Variants in WAPL observed in about 807,000 individuals in gnomAD.
WAPL encodes the protein wings apart-like protein homolog.
Under a neutral mutation model 121.0 loss-of-function variants are expected in WAPL, and 5 were observed. The ratio of observed to expected loss-of-function variants is 0.04; its 90% confidence interval spans 0.02 to 0.09. The LOEUF (loss-of-function observed/expected upper bound fraction) is 0.09, where lower values mean the gene tolerates loss of function less well. WAPL is among the 10% of genes least tolerant of loss of function. WAPL has a pLI of 1.00. For synonymous variants in WAPL, 480 were observed against 481.5 expected, an observed-to-expected ratio of 1.00 and a Z score of 0.04; for missense variants, 999 against 1,410.8, an observed-to-expected ratio of 0.71 and a Z score of 4.68.
At chr10:86,438,097 C>G (rs192979323) in intron 17 of WAPL, 82 bp from the exon 18 acceptor site, 1 of 1,024,846 alleles carries the variant, frequency 9.8e-7, no homozygotes, top group East Asian at 2.4e-5. Flanking sequence ...GGTTTTGACA[C>G]ACATCTTGGT....
intron 12 of WAPL, among the ~76,000 whole-genome samples, chr10:86,458,580 A>G (rs1412358777): frequency 6.6e-6 from 1 of 152,208 alleles, no homozygotes; most frequent in Non-Finnish European, 1.5e-5. Context: ...ATGATACAAA[A>G]GATACTTTAA....
chr10:86,445,517 C>T (rs888508033), intron 16 of WAPL, among the ~76,000 whole-genome samples: 1 of 147,626 alleles, frequency 6.8e-6, no homozygotes, highest in Non-Finnish European at 1.5e-5. Context: ...GAAGATATTA[C>T]CTCTAGTATC....
intron 4 of WAPL, among the ~76,000 whole-genome samples, chr10:86,488,817 C>T (rs1355792713): frequency 6.6e-6 from 1 of 152,178 alleles, no homozygotes; most frequent in Non-Finnish European, 1.5e-5. Context: ...ATACTAATAA[C>T]TGTAGAACAA....
intron 4 of WAPL, among the ~76,000 whole-genome samples, chr10:86,496,054 C>T (rs375563688): frequency 6.6e-6 from 1 of 152,166 alleles, no homozygotes; most frequent in East Asian, 1.9e-4. Flanking sequence ...GCGGAGGTTG[C>T]AGTGAGCCAA....
chr10:86,491,799 T>C (rs963685532), intron 4 of WAPL, among the ~76,000 whole-genome samples: 1 of 151,896 alleles, frequency 6.6e-6, no homozygotes. Flanking sequence ...TTATTACATA[T>C]ATTTAACATG....
At chr10:86,488,003 T>C (rs1447742934) in intron 4 of WAPL, among the ~76,000 whole-genome samples, 4 of 152,024 alleles carry the variant, frequency 2.6e-5, no homozygotes, top group African/African-American at 9.7e-5. Context: ...AGAACTAAGG[T>C]GAGGAAGATG....
In WAPL at chr10:86,472,409, C is replaced by G. The variant is rs1051699016; in HGVS notation, c.1894-65G>C. 1.3e-6 allele frequency: 2 copies of G among 1,561,744 alleles called. No individual in the cohort carries two copies. The highest frequency in any genetic ancestry group is 4.5e-5 in the Admixed American group (2 of 44,376). ...ACTAGCATATTTAAATCTATGGGCT[C>G]ACTGTACTTTACATAAGTGCATAAA... is the stretch of plus-strand genomic sequence containing the variant. On this transcript the variant is annotated intron_variant, in intron 6 of 18. Coordinates refer to ENST00000298767, the MANE Select transcript of WAPL (RefSeq NM_015045.5). The surrounding 1 kb of genome is among the most constrained non-coding windows in gnomAD (Gnocchi z 4.2).
chr10:86,441,920 A>G (rs769786623), intron 17 of WAPL, among the ~76,000 whole-genome samples: 2 of 152,248 alleles, frequency 1.3e-5, no homozygotes, highest in African/African-American at 2.4e-5. Context: ...CACCCAAATT[A>G]GACTCTGCCA....
chr10:86,453,017 CAAAAAAAAAAAAAAAAAAAAA>C (rs34469657), intron 14 of WAPL, among the ~76,000 whole-genome samples, 182 bp downstream of exon 14: 14 of 58,278 alleles, frequency 2.4e-4, no homozygotes, highest in South Asian at 9.1e-4. Flanking sequence ...CTCCATCTCC[CAAAAAAAAAAAAAAAAAAAAA>C]AAAAAAAAAA....
chr10:86,493,540 T>C (rs577461002), intron 4 of WAPL, among the ~76,000 whole-genome samples: 1 of 152,162 alleles, frequency 6.6e-6, no homozygotes, highest in Non-Finnish European at 1.5e-5. Flanking sequence ...TATTTATTTA[T>C]TTATTAAGAG....
At chr10:86,502,244 GAAT>G (rs1358598386) in intron 2 of WAPL, among the ~76,000 whole-genome samples, 1 of 152,112 alleles carries the variant, frequency 6.6e-6, no homozygotes, top group Non-Finnish European at 1.5e-5. Context: ...CAACACACCT[GAAT>G]ACTATGCAGT....
Position 86,497,241 on chromosome 10 carries a change from G to A in WAPL, c.1604C>T (p.Ser535Leu), listed in dbSNP as rs1390505960. Residue 535 changes from serine (S) to leucine (L), a missense_variant, in exon 4 of 19, where the codon TCA becomes TTA. By Grantham distance (145) the Ser-to-Leu change is moderately radical. Coordinates refer to ENST00000298767, the MANE Select transcript of WAPL (RefSeq NM_015045.5). ...AAAAATCTTTCTGGTATTTTCCTTT[G>A]ATTTATCTCCTTGTTTATTTATGGG... is the stretch of plus-strand genomic sequence containing the variant. ...KKPINKQGDKSKENTRKIFSG... is the reference protein window; with the variant it reads ...KKPINKQGDKLKENTRKIFSG... 20 of 1,612,886 alleles carry A rather than the reference G, an allele frequency of 1.2e-5. No homozygotes were observed. In the East Asian group the frequency reaches 4.5e-4, roughly 36 times the overall value.
intron 17 of WAPL, among the ~76,000 whole-genome samples, chr10:86,442,680 A>G (rs1849498468): frequency 6.6e-6 from 1 of 152,190 alleles, no homozygotes; most frequent in Non-Finnish European, 1.5e-5. Context: ...AATGCTATAC[A>G]TTCCCTTTCC....
intron 4 of WAPL, among the ~76,000 whole-genome samples, chr10:86,492,601 C>G (rs748090192): frequency 4.6e-5 from 7 of 152,068 alleles, no homozygotes; most frequent in Admixed American, 2.6e-4. Context: ...TCCCCACCGC[C>G]CCCCACCAAA....
chr10:86,481,776 A>T lies in WAPL; in HGVS notation c.1645-7803T>A, dbSNP rs180932599. Among the ~76,000 whole-genome samples, 385 of 152,278 alleles carry T rather than the reference A, an allele frequency of 2.5e-3. 2 individuals are homozygous for T. Among genetic ancestry groups the T allele is most frequent in the African/African-American group, 8.8e-3 (365 of 41,546 alleles). On this transcript the variant is annotated intron_variant, in intron 4 of 18. Coordinates refer to ENST00000298767, the MANE Select transcript of WAPL (RefSeq NM_015045.5). ...CTACAAGGGTGGGTGACAGACTGGA[A>T]CACATCTCAGATGAAGTGACCTCAT...
chr10:86,457,481 C>T (rs185812266), intron 12 of WAPL, among the ~76,000 whole-genome samples: 3 of 151,806 alleles, frequency 2.0e-5, no homozygotes, highest in South Asian at 2.1e-4. Context: ...GGTGAAACCC[C>T]GTCTCTGCTA....
chr10:86,472,699 T>G lies in WAPL; in HGVS notation c.1806A>C (p.Pro602=). The G allele has an allele frequency of 6.2e-7, 1 of 1,613,958 alleles. No individual in the cohort carries two copies. The highest frequency in any genetic ancestry group is 1.3e-5 in the African/African-American group (1 of 75,024). Residue 602 remains proline (P), a synonymous_variant, in exon 6 of 19, where the codon CCA becomes CCC. Coordinates refer to ENST00000298767, the MANE Select transcript of WAPL (RefSeq NM_015045.5). This position sits in a 1 kb window ranked among gnomAD's most constrained non-coding sequence, Gnocchi z 4.2. The part of the protein sequence containing the change: ...DDGVFKAPAP[P]SKVIKTVTIP... ...TTGTCACAGTTTTTATCACTTTGGA[T>G]GGTGGTGCAGGAGCCTTAAAAACTC... is the stretch of plus-strand genomic sequence containing the variant.
intron 4 of WAPL, among the ~76,000 whole-genome samples, chr10:86,485,226 CTTT>C (rs1378134299): frequency 6.6e-6 from 1 of 151,964 alleles, no homozygotes; most frequent in Non-Finnish European, 1.5e-5. Context: ...AACTTTCAAA[CTTT>C]AAAGGCACCT....
chr10:86,438,095 C>T (rs1849368997), intron 17 of WAPL, 80 bp from the exon 18 acceptor site: 1 of 1,078,536 alleles, frequency 9.3e-7, no homozygotes, highest in East Asian at 2.4e-5. Flanking sequence ...TTGGTTTTGA[C>T]ACACATCTTG....
Sources: gnomAD v4.1 joint callset for allele counts (sites outside exome capture counted in the v4.1 genomes callset) on GRCh38, gnomAD v4.1.1 for gene constraint, Gnocchi (gnomAD v3.1) non-coding constraint, MANE v1.5 for transcripts, NCBI Gene and HGNC (gene_info 2026-07-23, HGNC 2026-07-21) for gene names.